CNGA3: variants seen among roughly 807,000 people sequenced by gnomAD.
CNGA3 encodes cyclic nucleotide gated channel subunit alpha 3, also known as cyclic nucleotide-gated channel alpha-3.
In CNGA3, 42 loss-of-function variants were observed where a neutral mutation model predicts 46.6. The observed-to-expected ratio is 0.90, with a 90% CI of 0.70 to 1.17. The LOEUF (loss-of-function observed/expected upper bound fraction) is 1.17. Among genes scored for constraint, CNGA3 ranks in the 50% most tolerant of loss-of-function variants. The pLI, the probability that CNGA3 is intolerant of heterozygous loss-of-function variation, is 0.00. For synonymous variants in CNGA3, 394 were observed against 369.4 expected (o/e 1.07, Z -0.76); for missense variants, 893 against 890.7 (o/e 1.00, Z -0.03).
chr2:98,367,951 C>T (rs1173454288), intron 1 of CNGA3, among the ~76,000 whole-genome samples: 2 of 152,220 alleles, frequency 1.3e-5, no homozygotes, highest in Non-Finnish European at 2.9e-5. Context: ...AGCTCCTGGG[C>T]ACAACCTGCA....
At chr2:98,353,260 A>G (rs1357958288) in intron 1 of CNGA3, among the ~76,000 whole-genome samples, 1 of 146,448 alleles carries the variant, frequency 6.8e-6, no homozygotes, top group Non-Finnish European at 1.6e-5. Flanking sequence ...TTCTGTTTCC[A>G]TGGAGAACCC....
intron 4 of CNGA3, among the ~76,000 whole-genome samples, chr2:98,382,307 C>T (rs1378802191): frequency 1.3e-5 from 2 of 152,194 alleles, no homozygotes; most frequent in Non-Finnish European, 2.9e-5. Context: ...GTTACGGGCA[C>T]AGAGGCATGG....
In CNGA3 at chr2:98,396,163, G is replaced by T. The variant is rs530265295; in HGVS notation, c.993G>T (p.Gly331=). 4 of 1,614,148 alleles carry T rather than the reference G, an allele frequency of 2.5e-6. No individual in the cohort carries two copies. In the South Asian group the frequency reaches 3.3e-5, roughly 13 times the overall value. ...YFAISKFIGF[G]TDSWVYPNIS... ...CCATTTCCAAGTTCATTGGTTTTGGGACAGACTCCTGGGTCTACCCAAACA... is the reference window on the plus strand; with the variant it reads ...CCATTTCCAAGTTCATTGGTTTTGGTACAGACTCCTGGGTCTACCCAAACA... The change falls in exon 8 of 8, where the codon GGG becomes GGT. Residue 331 remains glycine (G), a synonymous_variant. Coordinates refer to ENST00000272602, the MANE Select transcript of CNGA3 (RefSeq NM_001298.3).
intron 1 of CNGA3, among the ~76,000 whole-genome samples, chr2:98,368,121 A>C (rs1692204294): frequency 6.6e-6 from 1 of 152,226 alleles, no homozygotes; most frequent in Admixed American, 6.5e-5. Context: ...TCTATTGAGA[A>C]AACCAGAATA....
chr2:98,393,594 C>T lies in CNGA3; in HGVS notation c.673+1624C>T, dbSNP rs563885027. Among the ~76,000 whole-genome samples, 247 of 152,312 alleles carry T rather than the reference C, an allele frequency of 1.6e-3. 2 individuals carry two copies. Among genetic ancestry groups the T allele is most frequent in the African/African-American group, 5.6e-3 (231 of 41,562 alleles). ...CCAGCCCTGGTCACCTGCCCCGCTG[C>T]TGCAGTCATGTTAAACTCCACAGAC... On this transcript the variant is annotated intron_variant, in intron 7 of 7. Transcript: ENST00000272602.
At chr2:98,386,343 T>C (rs1459197617) in intron 5 of CNGA3, among the ~76,000 whole-genome samples, 3 of 152,246 alleles carry the variant, frequency 2.0e-5, no homozygotes, top group African/African-American at 4.8e-5. Flanking sequence ...GTAGCTCCTC[T>C]AATTCCCATG....
At chr2:98,377,861 G>A (rs1479974648) in intron 3 of CNGA3, 61 bp downstream of exon 3, 1 of 1,489,562 alleles carries the variant, frequency 6.7e-7, no homozygotes, top group Non-Finnish European at 9.1e-7. Context: ...AAAGAAGGTA[G>A]TGACCTCTCA....
rs1031540793 is a variant in CNGA3, at chr2:98,382,451, C to T, written c.396-937C>T. On this transcript the variant is annotated intron_variant, in intron 4 of 7. Transcript: ENST00000272602. ...CAAGCGGTTATGGCCATATCTTAGA[C>T]GGAGAGAGGGAGATTTGGGCAGGAT... Among the ~76,000 whole-genome samples, 4 of 152,242 alleles carry T rather than the reference C, an allele frequency of 2.6e-5. No homozygotes were observed. In the East Asian group the frequency reaches 5.8e-4, roughly 22 times the overall value.
chr2:98,392,257 A>T (rs969248487), intron 7 of CNGA3, among the ~76,000 whole-genome samples: 1 of 152,078 alleles, frequency 6.6e-6, no homozygotes, highest in Non-Finnish European at 1.5e-5. Flanking sequence ...TGTTCTTGTC[A>T]CCTCTGAGAT....
chr2:98,362,554 C>A (rs1692058940), intron 1 of CNGA3, among the ~76,000 whole-genome samples: 1 of 151,862 alleles, frequency 6.6e-6, no homozygotes, highest in South Asian at 2.1e-4. Flanking sequence ...GATGTTAGAC[C>A]TTTGCCAGAT....
At position 98,396,826 on chromosome 2, in the gene CNGA3, T is replaced by C; in HGVS notation, c.1656T>C (p.Ile552=). The part of the protein sequence containing the change: ...SDGSYFGEIS[I]LNIKGSKSGN... ...GCAGCTACTTCGGGGAGATCAGCAT[T>C]CTGAACATCAAGGGGAGCAAGTCGG... Residue 552 remains isoleucine (I), a synonymous_variant, in exon 8 of 8, where the codon ATT becomes ATC. Transcript: ENST00000272602. 6.2e-7 allele frequency: 1 copy of C among 1,614,018 alleles called. No homozygotes were observed. The highest frequency in any genetic ancestry group is 8.5e-7 in the Non-Finnish European group (1 of 1,180,002).
At chr2:98,392,054 C>T (rs1430264216) in intron 7 of CNGA3, 84 bp downstream of exon 7, 2 of 1,236,916 alleles carry the variant, frequency 1.6e-6, no homozygotes, top group African/African-American at 1.5e-5. Context: ...TGGGACATTA[C>T]CTACCCTTGA....
intron 6 of CNGA3, 101 bp from the exon 7 acceptor site, chr2:98,391,763 C>T: frequency 1.8e-6 from 2 of 1,092,658 alleles, no homozygotes; most frequent in East Asian, 2.4e-5. Context: ...TCCCATATTA[C>T]ATGATCCAGC....
At chr2:98,355,922 A>G (rs1413507667) in intron 1 of CNGA3, 1 of 152,146 alleles carries the variant, frequency 6.6e-6, no homozygotes, top group African/African-American at 2.4e-5. Flanking sequence ...CAAACAAAAG[A>G]TATTTCACTC....
Position 98,395,878 on chromosome 2 carries a change from C to T in CNGA3, c.708C>T (p.Thr236=). ...FLEQGLMVSD[T]NRLWQHYKTT... is the part of the protein sequence containing the mutation. ...AGCAAGGCTTAATGGTCAGTGATAC[C>T]AACAGGCTGTGGCAGCATTACAAGA... The change falls in exon 8 of 8, where the codon ACC becomes ACT. Residue 236 remains threonine, a synonymous_variant. Transcript: ENST00000272602. The T allele has an allele frequency of 6.2e-7, 1 of 1,614,142 alleles. No homozygotes were observed. The highest frequency in any genetic ancestry group is 8.5e-7 in the Non-Finnish European group (1 of 1,180,030).
chr2:98,383,298 G>T (rs950073850), intron 4 of CNGA3, 90 bp from the exon 5 acceptor site: 3 of 1,206,952 alleles, frequency 2.5e-6, no homozygotes, highest in African/African-American at 3.0e-5. Context: ...ATAGGGATTG[G>T]GGGGTGGGGC....
At chr2:98,392,727 C>T (rs1223261802) in intron 7 of CNGA3, among the ~76,000 whole-genome samples, 1 of 152,150 alleles carries the variant, frequency 6.6e-6, no homozygotes, top group African/African-American at 2.4e-5. Flanking sequence ...GGACAGTCAG[C>T]AGATACAGGA....
At chr2:98,379,008 A>G (rs1692476938) in intron 3 of CNGA3, among the ~76,000 whole-genome samples, 1 of 152,236 alleles carries the variant, frequency 6.6e-6, no homozygotes, top group Non-Finnish European at 1.5e-5. Flanking sequence ...CTCTCAGTTC[A>G]GAGGCCTGAG....
rs202197432 is a variant in CNGA3 at position 98,377,766 on chromosome 2, G to A, written c.181G>A (p.Gly61Arg). The A allele has an allele frequency of 1.4e-5, 22 of 1,612,372 alleles. No individual in the cohort carries two copies. Among genetic ancestry groups the A allele is most frequent in the South Asian group, 1.1e-4 (10 of 90,758 alleles). Residue 61 changes from glycine to arginine, a missense_variant, in exon 3 of 8, where the codon GGG (glycine) becomes AGG (arginine). This residue lies in a region of CNGA3 where 333 missense variants were observed against 290.8 expected (regional missense o/e 1.15). Coordinates refer to ENST00000272602, the MANE Select transcript of CNGA3 (RefSeq NM_001298.3). ...GGAGACCAGAGGACTGGCTGACTCC[G>A]GGCAGGGCTCCTTCACCGGCCAGGG... ...AMETRGLADS[G>R]QGSFTGQGIA...
Sources: allele counts gnomAD v4.1 joint callset (sites outside exome capture counted in the v4.1 genomes callset), GRCh38; gene constraint gnomAD v4.1.1; regional missense constraint gnomAD v4.1.1; transcripts MANE v1.5; gene names NCBI Gene and HGNC (gene_info 2026-07-23, HGNC 2026-07-21).